Variants in MCF2L observed in about 807,000 individuals in gnomAD.
MCF2L encodes the protein MCF.2 cell line derived transforming sequence like.
In MCF2L, 97 loss-of-function variants were observed where a neutral mutation model predicts 153.4. The ratio of observed to expected loss-of-function variants is 0.63; its 90% CI spans 0.54 to 0.75. The LOEUF is 0.75. MCF2L is among the 30% of genes least tolerant of loss of function. MCF2L has a pLI of 0.00. For missense variants in MCF2L, 1,347 were observed against 1,495.2 expected (o/e 0.90, Z 1.64); for synonymous variants, 659 against 632.2 (o/e 1.04, Z -0.64).
chr13:113,028,333 C>T lies in MCF2L; in HGVS notation c.278+3575C>T, dbSNP rs547335725. 1.3e-5 allele frequency among the ~76,000 whole-genome samples: 2 copies of T among 152,280 alleles called. No individual in the cohort carries two copies. The highest frequency in any genetic ancestry group is 4.8e-5 in the African/African-American group (2 of 41,548). On this transcript the variant is annotated intron_variant, in intron 3 of 29. Coordinates refer to ENST00000535094, the MANE Select transcript of MCF2L (RefSeq NM_001112732.3). The surrounding 1 kb of genome is among the most constrained non-coding windows in gnomAD (Gnocchi z 5.4). ...GGCCATAAGAGTGTGGTAGGCGGCA[C>T]GTGTTCATGTGTGCACGCCTCTGTT...
intron 1 of MCF2L, among the ~76,000 whole-genome samples, chr13:112,897,136 G>T (rs569253533): frequency 1.3e-5 from 2 of 152,294 alleles, no homozygotes; most frequent in African/African-American, 2.4e-5. Context: ...GGCCTTGGTG[G>T]CCTCTGACTC....
Position 112,969,256 on chromosome 13 carries a change from A to T in MCF2L, c.-124A>T. On this transcript the variant is annotated 5_prime_UTR_variant, in exon 1 of 30. Coordinates refer to ENST00000535094, the MANE Select transcript of MCF2L (RefSeq NM_001112732.3). This position sits in a 1 kb window ranked among gnomAD's most constrained non-coding sequence, Gnocchi z 4.8. Reference sequence around the variant, plus strand: ...CAGGGAGGCGGCGGCTGGAGGCTGAAAGCGCTGCCGTGGCCCCCTCCCCGC... The same window carrying T: ...CAGGGAGGCGGCGGCTGGAGGCTGATAGCGCTGCCGTGGCCCCCTCCCCGC... 7.1e-7 allele frequency: 1 copy of T among 1,417,432 alleles called. No homozygotes were observed. The allele number at this position is 1,417,432 out of a possible 1,614,324, so 87.8% of individuals were successfully genotyped here. A position where few individuals can be genotyped will look rare whatever the true frequency, so the allele number is the denominator to read the frequency against.
intron 27 of MCF2L, chr13:113,095,382 A>G (rs745478968): frequency 7.1e-5 from 80 of 1,128,804 alleles, no homozygotes; most frequent in Non-Finnish European, 8.3e-5. Context: ...GCATGAAGGA[A>G]GGCCTGGGCG....
intron 2 of MCF2L, among the ~76,000 whole-genome samples, chr13:112,934,581 G>GCT (rs1555351932): frequency 6.6e-6 from 1 of 152,150 alleles, no homozygotes. Flanking sequence ...TGCTGCTGCT[G>GCT]GTCTGGAGAC....
intron 3 of MCF2L, among the ~76,000 whole-genome samples, chr13:113,041,419 T>A (rs1040471907): frequency 2.0e-5 from 3 of 152,092 alleles, no homozygotes; most frequent in Non-Finnish European, 4.4e-5. Flanking sequence ...CACGTGGCCC[T>A]GCCCTCATGA....
chr13:112,953,509 C>G (rs1260953335), intron 2 of MCF2L, among the ~76,000 whole-genome samples: 1 of 152,182 alleles, frequency 6.6e-6, no homozygotes, highest in Non-Finnish European at 1.5e-5. Flanking sequence ...GTTGGGAGCT[C>G]GAAGACCACA....
intron 2 of MCF2L, among the ~76,000 whole-genome samples, chr13:112,953,034 C>G (rs1374425552): frequency 1.3e-5 from 2 of 152,214 alleles, no homozygotes; most frequent in African/African-American, 4.8e-5. Flanking sequence ...AGGGCTGCTG[C>G]TTCTGGGTGA....
rs540212195 is a variant in MCF2L at position 113,006,448 on chromosome 13, A to T, written c.80-8315A>T. On this transcript the variant is annotated intron_variant, in intron 1 of 29. Coordinates refer to ENST00000535094, the MANE Select transcript of MCF2L (RefSeq NM_001112732.3). ...GGCCTGATCCTCCCCCCGGGAGCAC[A>T]GGGTGGTCCTCATCTGAACCCCGAG... is the stretch of plus-strand genomic sequence containing the variant. Among the ~76,000 whole-genome samples the T allele has an allele frequency of 1.1e-4, 16 of 152,302 alleles. No homozygotes were observed. The South Asian group carries it at 3.3e-3, about 32-fold the overall frequency.
intron 2 of MCF2L, among the ~76,000 whole-genome samples, chr13:113,015,520 G>C (rs566454937): frequency 6.6e-6 from 1 of 151,894 alleles, no homozygotes; most frequent in African/African-American, 2.4e-5. Context: ...CCGAGGACGC[G>C]GTGCTCTTGG....
chr13:113,059,019 G>A (rs536413683), intron 4 of MCF2L, among the ~76,000 whole-genome samples: 5 of 147,452 alleles, frequency 3.4e-5, no homozygotes, highest in African/African-American at 1.3e-4. Context: ...AGTGGGTGCT[G>A]AGTGTTTGGG....
chr13:112,936,628 T>C (rs963852728), intron 2 of MCF2L, among the ~76,000 whole-genome samples: 14 of 152,226 alleles, frequency 9.2e-5, no homozygotes, highest in African/African-American at 2.9e-4. Flanking sequence ...TGGTAAAAGA[T>C]CTTTCCCTAA....
Position 113,035,071 on chromosome 13 carries a change from A to G in MCF2L, c.279-10200A>G, listed in dbSNP as rs2141417806. The stretch of plus-strand genomic sequence containing the variant: ...CCCTCGGGAGGAAGGGTTCCTGTCC[A>G]CGTTCAGCACCCCCGTGCAGACCTC... On this transcript the variant is annotated intron_variant, in intron 3 of 29. Coordinates refer to ENST00000535094, the MANE Select transcript of MCF2L (RefSeq NM_001112732.3). The surrounding 1 kb of genome is among the most constrained non-coding windows in gnomAD (Gnocchi z 4.4). 6.6e-6 allele frequency among the ~76,000 whole-genome samples: 1 copy of G among 152,268 alleles called. No homozygotes were observed. Among genetic ancestry groups the G allele is most frequent in the Admixed American group, 6.5e-5 (1 of 15,310 alleles).
chr13:112,902,054 G>A, intron 1 of MCF2L: 1 of 645,442 alleles, frequency 1.5e-6, no homozygotes, highest in Non-Finnish European at 2.7e-6. Context: ...GGAGAAGAAT[G>A]AATTTAGTTT....
intron 3 of MCF2L, 26 bp downstream of exon 3, chr13:113,024,784 C>A: frequency 6.3e-7 from 1 of 1,575,602 alleles, no homozygotes; most frequent in Non-Finnish European, 8.7e-7. Flanking sequence ...GCCCGGCAGA[C>A]ATTGTGGTTT....
rs774232797 is a variant in MCF2L, at chr13:112,993,115, C to T, written c.80-21648C>T. ...GTGGCTTTTAAGCCAGAGATTACCA[C>T]GCGCTGCCGCGGAGGGAGAGGTAGC... is the stretch of plus-strand genomic sequence containing the variant. On this transcript the variant is annotated intron_variant, in intron 1 of 29. Coordinates refer to ENST00000535094, the MANE Select transcript of MCF2L (RefSeq NM_001112732.3). The surrounding 1 kb of genome is among the most constrained non-coding windows in gnomAD (Gnocchi z 4.6). 6.6e-6 allele frequency among the ~76,000 whole-genome samples: 1 copy of T among 152,232 alleles called. No homozygotes were observed. The highest frequency in any genetic ancestry group is 1.5e-5 in the Non-Finnish European group (1 of 68,036).
intron 22 of MCF2L, 85 bp downstream of exon 22, chr13:113,087,541 G>C: frequency 8.4e-7 from 1 of 1,186,832 alleles, no homozygotes; most frequent in Non-Finnish European, 1.2e-6. Flanking sequence ...AGGTGGCCAC[G>C]CTGACACCCA....
At chr13:113,038,122 A>T (rs975441220) in intron 3 of MCF2L, among the ~76,000 whole-genome samples, 1 of 152,228 alleles carries the variant, frequency 6.6e-6, no homozygotes, top group East Asian at 1.9e-4. Context: ...ATCATATCTA[A>T]TAAAAGACGT....
At chr13:113,050,322 G>A (rs1356666551) in intron 4 of MCF2L, among the ~76,000 whole-genome samples, 4 of 151,838 alleles carry the variant, frequency 2.6e-5, no homozygotes, top group Non-Finnish European at 5.9e-5. Context: ...GTGTGTGTGC[G>A]TGTTCACATT....
chr13:112,909,614 A>C (rs1328221123), intron 2 of MCF2L: 7 of 328,070 alleles, frequency 2.1e-5, no homozygotes, highest in Admixed American at 4.3e-5. Context: ...TCTGATGGAA[A>C]CAAGAAATGA....
Sources: gnomAD v4.1 joint callset for allele counts (sites outside exome capture counted in the v4.1 genomes callset) on GRCh38, gnomAD v4.1.1 for gene constraint, Gnocchi (gnomAD v3.1) non-coding constraint, MANE v1.5 for transcripts, NCBI Gene and HGNC (gene_info 2026-07-23, HGNC 2026-07-21) for gene names.